The following ADAMTS20 variants were observed in gnomAD, a reference collection of about 807,000 sequenced individuals.
The protein encoded by ADAMTS20 is ADAM metallopeptidase with thrombospondin type 1 motif 20.
A neutral mutation model predicts 260.1 loss-of-function variants in ADAMTS20; 225 were observed. The observed-to-expected ratio is 0.87, with a 90% CI of 0.78 to 0.97. The LOEUF is 0.97. Among genes scored for constraint, ADAMTS20 ranks in the 50% least tolerant of loss-of-function variants. The pLI, the probability that ADAMTS20 is intolerant of heterozygous loss-of-function variation, is 0.00. For missense variants in ADAMTS20, 2,400 were observed against 2,337.7 expected (o/e 1.03, Z -0.55); for synonymous variants, 802 against 769.5 (o/e 1.04, Z -0.70).
chr12:43,375,172 CAA>C (rs58169338), intron 36 of ADAMTS20, among the ~76,000 whole-genome samples: 2,805 of 62,088 alleles, frequency 0.045, 12 homozygotes, highest in Non-Finnish European at 0.058. Flanking sequence ...AACTGCGTCT[CAA>C]AAAAAAAAAA....
chr12:43,433,731 CA>C, intron 19 of ADAMTS20: 1 of 445,872 alleles, frequency 2.2e-6, no homozygotes, highest in Non-Finnish European at 4.5e-6. Flanking sequence ...CACACACACA[CA>C]CACACACACA....
chr12:43,544,551 C>T (rs1294618960), intron 2 of ADAMTS20, among the ~76,000 whole-genome samples: 5 of 152,062 alleles, frequency 3.3e-5, no homozygotes, highest in East Asian at 1.9e-4. Flanking sequence ...ACAACAAGGA[C>T]GCCCTGGTCA....
rs1942782176 is a variant in ADAMTS20 at position 43,502,418 on chromosome 12, A to G, written c.614-13T>C. On this transcript the variant is annotated splice_polypyrimidine_tract_variant and intron_variant, in intron 3 of 38. Coordinates refer to ENST00000389420, the MANE Select transcript of ADAMTS20 (RefSeq NM_025003.5). Reference sequence around the variant, plus strand: ...TTTATTTGACTTTCTAGGGAGAAAAAAAGAATATAATGCAGAGCCATTAAA... The same window carrying G: ...TTTATTTGACTTTCTAGGGAGAAAAGAAGAATATAATGCAGAGCCATTAAA... 5 of 1,575,268 alleles carry G rather than the reference A, an allele frequency of 3.2e-6. No individual in the cohort carries two copies. The African/African-American group carries it at 6.9e-5, about 22-fold the overall frequency.
intron 31 of ADAMTS20, among the ~76,000 whole-genome samples, chr12:43,382,775 T>C (rs555270511): frequency 3.3e-5 from 5 of 152,078 alleles, no homozygotes; most frequent in African/African-American, 1.2e-4. Flanking sequence ...ATATGGAAGA[T>C]ATAAAAAAGC....
rs1338752795 is a variant in ADAMTS20, at chr12:43,462,876, AC to A, written c.1614+18del. The A allele has an allele frequency of 6.4e-7, 1 of 1,573,602 alleles. No homozygotes were observed. Among genetic ancestry groups the A allele is most frequent in the Admixed American group, 1.8e-5 (1 of 55,438 alleles). On this transcript the variant is annotated intron_variant, in intron 11 of 38. Coordinates refer to ENST00000389420, the MANE Select transcript of ADAMTS20 (RefSeq NM_025003.5). ...TGGATAATATCTTCATACAAGACTC[AC>A]CCTTCAAGAAAACCTACCATTCCAG...
intron 28 of ADAMTS20, among the ~76,000 whole-genome samples, chr12:43,424,391 C>T (rs1941291364): frequency 6.6e-6 from 1 of 151,982 alleles, no homozygotes; most frequent in Admixed American, 6.5e-5. Flanking sequence ...AAAATATTCC[C>T]AAACCACTAA....
intron 37 of ADAMTS20, among the ~76,000 whole-genome samples, chr12:43,357,237 A>G (rs187520846): frequency 2.6e-5 from 4 of 152,346 alleles, no homozygotes; most frequent in African/African-American, 4.8e-5. Flanking sequence ...TTTACAGTAC[A>G]GATTTAAACA....
At chr12:43,361,804 A>G (rs1352617705) in intron 37 of ADAMTS20, among the ~76,000 whole-genome samples, 1 of 152,224 alleles carries the variant, frequency 6.6e-6, no homozygotes, top group African/African-American at 2.4e-5. Context: ...AATTGGACTT[A>G]TGTTAAGGTA....
In ADAMTS20 at chr12:43,377,536, G is replaced by A; in HGVS notation, c.4824C>T (p.Tyr1608=). The stretch of plus-strand genomic sequence containing the variant: ...CGGTGCAATATGTAATCCTTTGTCT[G>A]TAACTAAATCCACAGTTGTTTGCAC... The part of the protein sequence containing the change: ...SQCANNCGFS[Y]RQRITYCTEI... Residue 1608 remains tyrosine (Y), a synonymous_variant, in exon 32 of 39, where the codon TAC becomes TAT. Coordinates refer to ENST00000389420, the MANE Select transcript of ADAMTS20 (RefSeq NM_025003.5). 11 of 1,612,360 alleles carry A rather than the reference G, an allele frequency of 6.8e-6. No individual in the cohort carries two copies. Among genetic ancestry groups the A allele is most frequent in the Non-Finnish European group, 9.3e-6 (11 of 1,178,960 alleles).
intron 2 of ADAMTS20, among the ~76,000 whole-genome samples, chr12:43,535,430 G>A (rs886908362): frequency 5.3e-5 from 8 of 151,930 alleles, no homozygotes; most frequent in African/African-American, 1.9e-4. Flanking sequence ...ATAAACTTGG[G>A]TGAGAAAAAA....
chr12:43,425,811 TTACTC>T, intron 27 of ADAMTS20, 121 bp from the exon 28 acceptor site: 1 of 645,436 alleles, frequency 1.5e-6, no homozygotes, highest in African/African-American at 1.9e-5. Context: ...CATAATTAGT[TTACTC>T]TAGTAATGTT....
At chr12:43,396,021 A>G (rs1307476623) in intron 29 of ADAMTS20, among the ~76,000 whole-genome samples, 1 of 150,040 alleles carries the variant, frequency 6.7e-6, no homozygotes, top group Non-Finnish European at 1.5e-5. Context: ...AAATTAAACG[A>G]AAAAAAAAAT....
chr12:43,455,215 A>G (rs1941942774), intron 11 of ADAMTS20, among the ~76,000 whole-genome samples: 1 of 152,022 alleles, frequency 6.6e-6, no homozygotes, highest in Admixed American at 6.5e-5. Flanking sequence ...CATGTGTCAG[A>G]ATTTTCTTAT....
At chr12:43,412,566 C>T (rs1244650885) in intron 28 of ADAMTS20, among the ~76,000 whole-genome samples, 23 of 152,074 alleles carry the variant, frequency 1.5e-4, no homozygotes. Context: ...CTGATTTCAC[C>T]TAAGATTGAC....
At chr12:43,417,194 C>T (rs1280091874) in intron 28 of ADAMTS20, among the ~76,000 whole-genome samples, 2 of 152,084 alleles carry the variant, frequency 1.3e-5, no homozygotes, top group Admixed American at 1.3e-4. Context: ...CCATGATTCC[C>T]TTCATAACTA....
intron 3 of ADAMTS20, among the ~76,000 whole-genome samples, chr12:43,502,836 T>C (rs1942787368): frequency 6.6e-6 from 1 of 152,014 alleles, no homozygotes; most frequent in Non-Finnish European, 1.5e-5. Context: ...CTTCATAAAA[T>C]ATAGAAAAAA....
At chr12:43,404,984 A>C (rs762174755) in intron 28 of ADAMTS20, among the ~76,000 whole-genome samples, 6 of 152,050 alleles carry the variant, frequency 3.9e-5, no homozygotes, top group Admixed American at 1.3e-4. Flanking sequence ...TCTTTTGCTG[A>C]AGCACAGATT....
intron 14 of ADAMTS20, 123 bp from the exon 15 acceptor site, chr12:43,446,835 G>A (rs1941771727): frequency 2.6e-6 from 2 of 765,424 alleles, no homozygotes; most frequent in Non-Finnish European, 4.4e-6. Flanking sequence ...CAGAAATATA[G>A]ATAACTCTCA....
chr12:43,379,158 C>A (rs1018227339), intron 31 of ADAMTS20, among the ~76,000 whole-genome samples: 1 of 152,094 alleles, frequency 6.6e-6, no homozygotes, highest in Admixed American at 6.5e-5. Context: ...TTCTGGAAGA[C>A]CCCACTTGCA....
Sources: allele counts gnomAD v4.1 joint callset (sites outside exome capture counted in the v4.1 genomes callset), GRCh38; gene constraint gnomAD v4.1.1; transcripts MANE v1.5; gene names NCBI Gene and HGNC (gene_info 2026-07-23, HGNC 2026-07-21).